PCDH11X: variants seen among roughly 807,000 people sequenced by gnomAD.
The protein encoded by PCDH11X is protocadherin 11 X-linked.
PCDH11X carries 18 observed loss-of-function variants against 53.3 expected under a neutral mutation model. That is an observed-to-expected ratio of 0.34 (90% CI 0.23 to 0.50). PCDH11X has a LOEUF of 0.50. Ranked by LOEUF, PCDH11X falls within the 20% of genes least tolerant of loss-of-function variation. The pLI is 0.98. For synonymous variants in PCDH11X, 279 were observed against 393.3 expected (o/e 0.71, Z 3.44); for missense variants, 570 against 1,032.4 (o/e 0.55, Z 6.14).
At chrX:92,191,093 A>G (rs990158951) in intron 6 of PCDH11X, among the ~76,000 whole-genome samples, 15 of 111,853 alleles carry the variant, frequency 1.3e-4, no homozygotes, top group African/African-American at 4.5e-4. Context: ...GTTTTGGTCA[A>G]GATAAATTTG....
Position 91,806,812 on chromosome X carries a change from G to A in PCDH11X, c.-378-2654G>A, listed in dbSNP as rs2563627. ...GTTTTCCCTTATTGACTGTATCTAC[G>A]CCATCACATAGCAAAATGTACACAA... On this transcript the variant is annotated intron_variant, in intron 1 of 10. Transcript: ENST00000682573. 8.2e-5 allele frequency among the ~76,000 whole-genome samples: 9 copies of A among 110,336 alleles called. No individual in the cohort carries two copies. The East Asian group carries it at 2.0e-3, about 25-fold the overall frequency.
chrX:92,071,370 T>C (rs1032866782), intron 6 of PCDH11X, among the ~76,000 whole-genome samples: 13 of 110,951 alleles, frequency 1.2e-4, no homozygotes, highest in African/African-American at 4.0e-4. Flanking sequence ...CTCTGTGTTA[T>C]CTTGAATTTC....
intron 6 of PCDH11X, among the ~76,000 whole-genome samples, chrX:92,142,186 TG>T (rs1374273039): frequency 9.3e-6 from 1 of 107,554 alleles, no homozygotes; most frequent in Admixed American, 1.0e-4. Context: ...GATGGAGTTT[TG>T]CTCTTGTTGC....
Position 92,147,978 on chromosome X carries a change from T to G in PCDH11X, c.3034-53397T>G, listed in dbSNP as rs184061326. On this transcript the variant is annotated intron_variant, in intron 6 of 10. Transcript: ENST00000682573. Reference sequence around the variant, plus strand: ...TTCCTTCTTTCCCTTCCTTCCTTCCTTCCTTCCTTTCTTTCTTTCTTTCTT... The same window carrying G: ...TTCCTTCTTTCCCTTCCTTCCTTCCGTCCTTCCTTTCTTTCTTTCTTTCTT... Among the ~76,000 whole-genome samples, 469 of 88,088 alleles carry G rather than the reference T, an allele frequency of 5.3e-3. 13 individuals are homozygous for G. The highest frequency in any genetic ancestry group is 0.023 in the African/African-American group (432 of 18,810). 76.5% of individuals were successfully genotyped at this position (88,088 alleles called of 115,157 possible).
intron 10 of PCDH11X, among the ~76,000 whole-genome samples, chrX:92,558,979 A>G (rs1281385694): frequency 9.1e-6 from 1 of 110,399 alleles, no homozygotes; most frequent in East Asian, 2.8e-4. Context: ...TTAAAATTTA[A>G]GCTATGGGAA....
intron 10 of PCDH11X, among the ~76,000 whole-genome samples, chrX:92,590,934 C>G (rs1924969610): frequency 1.8e-5 from 2 of 110,744 alleles, no homozygotes; most frequent in African/African-American, 6.6e-5. Context: ...TTCAAATTGC[C>G]CTACACTACC....
chrX:91,823,668 A>G (rs1216641628), intron 4 of PCDH11X, among the ~76,000 whole-genome samples: 8 of 111,345 alleles, frequency 7.2e-5, no homozygotes, highest in African/African-American at 9.8e-5. Context: ...CATTTAGTCC[A>G]TTTACATTTA....
At chrX:92,021,931 G>A (rs1032501473) in intron 6 of PCDH11X, among the ~76,000 whole-genome samples, 2 of 108,568 alleles carry the variant, frequency 1.8e-5, no homozygotes, top group African/African-American at 6.7e-5. Flanking sequence ...AGCTTCATAG[G>A]CAAAGGAGAA....
chrX:92,263,232 C>T (rs1293607548), intron 8 of PCDH11X, 89 bp downstream of exon 8: 4 of 745,262 alleles, frequency 5.4e-6, no homozygotes, highest in Non-Finnish European at 7.8e-6. Flanking sequence ...GGAGTTAAAA[C>T]TGTAAGTACT....
At chrX:92,326,846 T>C (rs2069348315) in intron 8 of PCDH11X, among the ~76,000 whole-genome samples, 1 of 105,190 alleles carries the variant, frequency 9.5e-6, no homozygotes, top group South Asian at 4.5e-4. Context: ...TTAGAATCTC[T>C]TTAAAAAAGA....
chrX:92,234,201 C>T (rs2067130751), intron 7 of PCDH11X, among the ~76,000 whole-genome samples: 1 of 112,121 alleles, frequency 8.9e-6, no homozygotes, highest in Non-Finnish European at 1.9e-5. Context: ...TAATCTTCAT[C>T]TTTGCTTGTC....
At chrX:91,897,742 A>T (rs192051477) in intron 6 of PCDH11X, among the ~76,000 whole-genome samples, 4,813 of 109,294 alleles carry the variant, frequency 0.044, 269 homozygotes, top group African/African-American at 0.15. Flanking sequence ...TGTTCCAAAG[A>T]GGCAAAGTTC....
intron 6 of PCDH11X, among the ~76,000 whole-genome samples, chrX:91,963,894 T>G (rs1004325231): frequency 3.6e-5 from 4 of 109,767 alleles, no homozygotes; most frequent in Admixed American, 1.9e-4. Flanking sequence ...GAAAAGCCCC[T>G]TATAAAACCA....
intron 8 of PCDH11X, among the ~76,000 whole-genome samples, chrX:92,273,335 C>T (rs367821177): frequency 9.0e-6 from 1 of 111,135 alleles, no homozygotes; most frequent in East Asian, 2.8e-4. Flanking sequence ...AGGAAATTCA[C>T]AGGGTTAATC....
chrX:92,126,854 TAA>T (rs148744256), intron 6 of PCDH11X, among the ~76,000 whole-genome samples: 34 of 99,940 alleles, frequency 3.4e-4, no homozygotes, highest in Middle Eastern at 0.01. Flanking sequence ...TGAAATATGT[TAA>T]AAAAAAAAAA....
rs146872971 is a variant in PCDH11X at position 91,852,691 on chromosome X, G to C, written c.540+16647G>C. On this transcript the variant is annotated intron_variant, in intron 5 of 10. Transcript: ENST00000682573. Reference sequence around the variant, plus strand: ...TTCCTTGTGGGGTGGTGTGAGAGCTGTCTTATGCACTGCAGGAAGTTTGGC... The same window carrying C: ...TTCCTTGTGGGGTGGTGTGAGAGCTCTCTTATGCACTGCAGGAAGTTTGGC... Among the ~76,000 whole-genome samples the C allele has an allele frequency of 2.7e-3, 298 of 111,223 alleles. 3 individuals are homozygous for C. Among genetic ancestry groups the C allele is most frequent in the Admixed American group, 0.025 (266 of 10,436 alleles).
intron 1 of PCDH11X, among the ~76,000 whole-genome samples, chrX:91,806,863 T>C (rs754346391): frequency 1.8e-5 from 2 of 112,128 alleles, no homozygotes; most frequent in East Asian, 5.6e-4. Context: ...ATTTTACTCA[T>C]AGTTTCTGCA....
chrX:92,365,974 G>C, intron 8 of PCDH11X, among the ~76,000 whole-genome samples: 1 of 111,505 alleles, frequency 9.0e-6, no homozygotes, highest in Non-Finnish European at 1.9e-5. Flanking sequence ...CCAGGTTTTG[G>C]TAACAGGATG....
intron 8 of PCDH11X, among the ~76,000 whole-genome samples, chrX:92,338,407 C>T (rs937178900): frequency 3.6e-5 from 4 of 110,739 alleles, no homozygotes; most frequent in African/African-American, 1.3e-4. Context: ...TAATTTGAGC[C>T]TGGAGACTGA....
Sources: gnomAD v4.1 joint callset for allele counts (sites outside exome capture counted in the v4.1 genomes callset) on GRCh38, gnomAD v4.1.1 for gene constraint, MANE v1.5 for transcripts, NCBI Gene and HGNC (gene_info 2026-07-23, HGNC 2026-07-21) for gene names.